TMTC2: variants seen among roughly 807,000 people sequenced by gnomAD.
The protein encoded by TMTC2 is protein O-mannosyl-transferase TMTC2.
Under a neutral mutation model 82.4 loss-of-function variants are expected in TMTC2, and 43 were observed. That is an observed-to-expected ratio of 0.52 (90% CI 0.41 to 0.67). The LOEUF (loss-of-function observed/expected upper bound fraction) is 0.67. TMTC2 is among the 30% of genes least tolerant of loss of function. TMTC2 has a pLI of 0.00. For missense variants in TMTC2, 919 were observed against 1,012.4 expected, an observed-to-expected ratio of 0.91 and a Z score of 1.25; for synonymous variants, 408 against 381.9, an observed-to-expected ratio of 1.07 and a Z score of -0.80.
At chr12:82,704,430 G>A (rs189923276) in intron 1 of TMTC2, among the ~76,000 whole-genome samples, 1 of 152,180 alleles carries the variant, frequency 6.6e-6, no homozygotes, top group African/African-American at 2.4e-5. Context: ...TATAAAAGTA[G>A]AGTAAATACA....
At chr12:82,871,574 T>G (rs551952462) in intron 2 of TMTC2, among the ~76,000 whole-genome samples, 1 of 152,224 alleles carries the variant, frequency 6.6e-6, no homozygotes, top group Admixed American at 6.5e-5. Context: ...ATATAATTCC[T>G]TATGAAATGC....
At chr12:83,064,869 C>G (rs1048629533) in intron 11 of TMTC2, among the ~76,000 whole-genome samples, 1 of 151,924 alleles carries the variant, frequency 6.6e-6, no homozygotes, top group Non-Finnish European at 1.5e-5. Flanking sequence ...TGTTATTTCT[C>G]TGCTTTTAAC....
intron 11 of TMTC2, among the ~76,000 whole-genome samples, chr12:83,115,061 A>G (rs544914399): frequency 6.6e-6 from 1 of 152,256 alleles, no homozygotes; most frequent in African/African-American, 2.4e-5. Flanking sequence ...TTTAACAACA[A>G]CATGATTATT....
chr12:83,009,124 G>T (rs2137382574), intron 8 of TMTC2, among the ~76,000 whole-genome samples: 1 of 152,284 alleles, frequency 6.6e-6, no homozygotes, highest in South Asian at 2.1e-4. Context: ...TAATTGAGAG[G>T]AGTGTCTTTA....
rs143889519 is a variant in TMTC2 at position 82,950,295 on chromosome 12, A to C, written c.1599-14729A>C. On this transcript the variant is annotated intron_variant, in intron 4 of 11. Coordinates refer to ENST00000321196, the MANE Select transcript of TMTC2 (RefSeq NM_152588.3). ...AATAATATGAAAAACTTAAACCCCA[A>C]GTATTAATCTTTATTACTTCCTGTT... 6.7e-3 allele frequency among the ~76,000 whole-genome samples: 1,018 copies of C among 152,326 alleles called. 18 individuals are homozygous for C. The highest frequency in any genetic ancestry group is 5.8e-3 in the Non-Finnish European group (398 of 68,036).
intron 11 of TMTC2, among the ~76,000 whole-genome samples, chr12:83,128,566 A>G (rs995834118): frequency 6.6e-6 from 1 of 152,174 alleles, no homozygotes; most frequent in South Asian, 2.1e-4. Flanking sequence ...GAAGCTGTGA[A>G]ATGATATAAT....
At chr12:82,734,198 A>G (rs1356440679) in intron 1 of TMTC2, among the ~76,000 whole-genome samples, 1 of 152,178 alleles carries the variant, frequency 6.6e-6, no homozygotes, top group African/African-American at 2.4e-5. Flanking sequence ...TTAGTTTTCT[A>G]TTGCTGCTTA....
At chr12:83,094,781 A>C (rs1883966758) in intron 11 of TMTC2, among the ~76,000 whole-genome samples, 1 of 152,236 alleles carries the variant, frequency 6.6e-6, no homozygotes, top group African/African-American at 2.4e-5. Context: ...AGCTTAGGCG[A>C]CTAAGTAGGT....
At chr12:82,785,069 T>C (rs1308343939) in intron 1 of TMTC2, among the ~76,000 whole-genome samples, 1 of 152,068 alleles carries the variant, frequency 6.6e-6, no homozygotes, top group African/African-American at 2.4e-5. Flanking sequence ...AGTTTTTGCT[T>C]CTCTTAAAGA....
intron 1 of TMTC2, among the ~76,000 whole-genome samples, chr12:82,787,180 T>A (rs988888035): frequency 1.3e-5 from 2 of 152,168 alleles, no homozygotes; most frequent in Non-Finnish European, 2.9e-5. Context: ...TTTTTATCAT[T>A]TTCTATCTTT....
At chr12:82,787,085 TTACATATTTTA>T (rs1878213105) in intron 1 of TMTC2, among the ~76,000 whole-genome samples, 1 of 152,100 alleles carries the variant, frequency 6.6e-6, no homozygotes, top group Non-Finnish European at 1.5e-5. Flanking sequence ...GGGGCTAGGG[TTACATATTTTA>T]ATTATCATAC....
intron 3 of TMTC2, among the ~76,000 whole-genome samples, chr12:82,920,004 T>C (rs913313730): frequency 2.6e-5 from 4 of 152,202 alleles, no homozygotes; most frequent in Admixed American, 1.3e-4. Context: ...CGTTATGCAG[T>C]TCCAAAGCTG....
intron 1 of TMTC2, among the ~76,000 whole-genome samples, chr12:82,763,763 C>T (rs1876784667): frequency 6.6e-6 from 1 of 152,112 alleles, no homozygotes; most frequent in South Asian, 2.1e-4. Flanking sequence ...AATGAAGTAC[C>T]TTTTAAAGAG....
chr12:82,873,199 C>T (rs1234993213), intron 2 of TMTC2, among the ~76,000 whole-genome samples: 2 of 144,146 alleles, frequency 1.4e-5, no homozygotes, highest in African/African-American at 5.4e-5. Flanking sequence ...GATTTTGGCC[C>T]TGTTTCAAAG....
At chr12:82,694,393 T>A (rs1243032298) in intron 1 of TMTC2, among the ~76,000 whole-genome samples, 1 of 152,230 alleles carries the variant, frequency 6.6e-6, no homozygotes, top group African/African-American at 2.4e-5. Flanking sequence ...AAAGATATAT[T>A]TACTTTTCTT....
chr12:82,853,624 T>C (rs901783943), intron 1 of TMTC2, among the ~76,000 whole-genome samples: 9 of 152,206 alleles, frequency 5.9e-5, no homozygotes, highest in African/African-American at 2.2e-4. Flanking sequence ...GGCATTGAAC[T>C]AATAGCATGT....
chr12:83,040,510 TTCCTTCTAATAAC>T (rs1881847981), intron 9 of TMTC2, among the ~76,000 whole-genome samples: 1 of 152,244 alleles, frequency 6.6e-6, no homozygotes, highest in East Asian at 1.9e-4. Context: ...ATCTCACTTG[TTCCTTCTAATAAC>T]TCAGTGAGAT....
intron 10 of TMTC2, among the ~76,000 whole-genome samples, chr12:83,052,290 C>T (rs1016563476): frequency 2.6e-5 from 4 of 151,970 alleles, no homozygotes; most frequent in Admixed American, 1.3e-4. Flanking sequence ...AAAAATAATA[C>T]AGAGACATTT....
chr12:83,002,770 G>A (rs1023448412), intron 8 of TMTC2, among the ~76,000 whole-genome samples: 2 of 128,720 alleles, frequency 1.6e-5, no homozygotes, highest in Non-Finnish European at 3.3e-5. Context: ...GAGTGTGTTT[G>A]GTAAGATTTT....
Sources: allele counts gnomAD v4.1 joint callset (sites outside exome capture counted in the v4.1 genomes callset), GRCh38; gene constraint gnomAD v4.1.1; transcripts MANE v1.5; gene names NCBI Gene and HGNC (gene_info 2026-07-23, HGNC 2026-07-21).